The following MYDGF variants were observed in gnomAD, a reference collection of about 807,000 sequenced individuals.
MYDGF encodes the protein myeloid-derived growth factor.
Under a neutral mutation model 24.2 loss-of-function variants are expected in MYDGF, and 29 were observed. The observed-to-expected ratio is 1.20, with a 90% CI of 0.89 to 1.63. The LOEUF is 1.63. Ranked by LOEUF, MYDGF falls within the 40% of genes most tolerant of loss-of-function variation. The probability of loss-of-function intolerance (pLI) is 0.00; values close to 1 mark genes in which losing one functional copy is unlikely to be tolerated. For missense variants in MYDGF, 245 were observed against 234.8 expected, an observed-to-expected ratio of 1.04 and a Z score of -0.29; for synonymous variants, 105 against 102.5, an observed-to-expected ratio of 1.02 and a Z score of -0.15.
chr19:4,666,912 G>A (rs2088525671), intron 2 of MYDGF, among the ~76,000 whole-genome samples: 1 of 152,036 alleles, frequency 6.6e-6, no homozygotes. Context: ...GTGTTGACCG[G>A]GCTAGGCTCT....
In MYDGF at chr19:4,668,595, C is replaced by T; in HGVS notation, c.225G>A (p.Glu75=). The change falls in exon 2 of 6, where the codon GAG becomes GAA. Residue 75 remains glutamate, a splice_region_variant and synonymous_variant. Transcript: ENST00000262947. ...FTYASQGGTN[E]QWQMSLGTSE... ...CTAGAGGGAATTTTGAACAACTCAC[C>T]TCATTGGTCCCTCCTTGAGAGGCGT... is the stretch of plus-strand genomic sequence containing the variant. 6.2e-7 allele frequency: 1 copy of T among 1,611,160 alleles called. No individual in the cohort carries two copies. The highest frequency in any genetic ancestry group is 1.1e-5 in the South Asian group (1 of 91,044).
rs1297991220 is a variant in MYDGF, at chr19:4,660,697, C to A, written c.341G>T (p.Gly114Val). The change falls in exon 4 of 6, where the codon GGC (glycine) becomes GTC (valine). Residue 114 changes from glycine to valine, a missense_variant. Coordinates refer to ENST00000262947, the MANE Select transcript of MYDGF (RefSeq NM_019107.4). ...YFTQFKAEVR[G>V]AEIEYAMAYS... ...GGCCATGGCGTACTCAATCTCAGCG[C>A]CCCGCACCTCTGCCTTGAACTGTGT... 2 of 1,614,098 alleles carry A rather than the reference C, an allele frequency of 1.2e-6. No homozygotes were observed. The highest frequency in any genetic ancestry group is 3.3e-5 in the Admixed American group (2 of 60,010).
In MYDGF at chr19:4,659,989, A is replaced by G. The variant is rs939785201; in HGVS notation, c.384T>C (p.Phe128=). ...TCAGAGGGACATCACTTTCCCTTTC[A>G]AATGCGGCTTTAGACTGAAAAAGAA... The part of the protein sequence containing the change: ...EYAMAYSKAA[F]ERESDVPLKT... The change falls in exon 5 of 6, where the codon TTT becomes TTC. Residue 128 remains phenylalanine (F), a synonymous_variant. Coordinates refer to ENST00000262947, the MANE Select transcript of MYDGF (RefSeq NM_019107.4). 1.9e-6 allele frequency: 3 copies of G among 1,613,984 alleles called. No homozygotes were observed. Among genetic ancestry groups the G allele is most frequent in the Non-Finnish European group, 1.7e-6 (2 of 1,179,990 alleles).
At chr19:4,664,504 A>G (rs2145186911) in intron 3 of MYDGF, among the ~76,000 whole-genome samples, 1 of 151,920 alleles carries the variant, frequency 6.6e-6, no homozygotes, top group East Asian at 1.9e-4. Flanking sequence ...AAAAAAAAAA[A>G]AAAATTGCCA....
chr19:4,670,098 T>C (rs1044213187), intron 1 of MYDGF, 63 bp downstream of exon 1: 5 of 1,139,722 alleles, frequency 4.4e-6, no homozygotes, highest in Non-Finnish European at 5.8e-6. Flanking sequence ...CCGCCCCCAA[T>C]GCTCCGCGCC....
rs1477879232 is a variant in MYDGF at position 4,668,516 on chromosome 19, C to T, written c.225+79G>A. The T allele has an allele frequency of 6.1e-6, 8 of 1,311,404 alleles. No homozygotes were observed. In the South Asian group the frequency reaches 8.3e-5, roughly 14 times the overall value. 81.2% of individuals were successfully genotyped at this position (1,311,404 alleles called of 1,614,324 possible). A position where few individuals can be genotyped will look rare whatever the true frequency, so the allele number is the denominator to read the frequency against. ...TAAGGTGATATAGGTGAGACCCAAC[C>T]CTGCTGTCTGCTACAGAACATCTCC... On this transcript the variant is annotated intron_variant, in intron 2 of 5. Coordinates refer to ENST00000262947, the MANE Select transcript of MYDGF (RefSeq NM_019107.4).
chr19:4,663,467 C>T (rs2088491265), intron 3 of MYDGF, among the ~76,000 whole-genome samples: 1 of 135,278 alleles, frequency 7.4e-6, no homozygotes, highest in Non-Finnish European at 1.6e-5. Flanking sequence ...TCTACCCTCC[C>T]CACCCCATCC....
chr19:4,657,786 C>A lies in MYDGF; in HGVS notation c.*219G>T, dbSNP rs1464530520. The A allele has an allele frequency of 1.4e-5, 6 of 431,446 alleles. No homozygotes were observed. The highest frequency in any genetic ancestry group is 2.1e-5 in the Non-Finnish European group (5 of 236,728). The allele number at this position is 431,446 out of a possible 1,614,324, so 26.7% of individuals were successfully genotyped here. ...AGAAGAGCTCAGCAGGAAGTGGGAACTGAGAAGCTGTTGGGAGCCAGGAGG... is the reference window on the plus strand; with the variant it reads ...AGAAGAGCTCAGCAGGAAGTGGGAAATGAGAAGCTGTTGGGAGCCAGGAGG... On this transcript the variant is annotated 3_prime_UTR_variant, in exon 6 of 6. Coordinates refer to ENST00000262947, the MANE Select transcript of MYDGF (RefSeq NM_019107.4).
Position 4,670,269 on chromosome 19 carries a change from C to T in MYDGF, c.66G>A (p.Gly22=), listed in dbSNP as rs749618925. 5.3e-5 allele frequency: 82 copies of T among 1,551,674 alleles called. No homozygotes were observed. The highest frequency in any genetic ancestry group is 6.3e-5 in the Non-Finnish European group (73 of 1,151,360). The change falls in exon 1 of 6, where the codon GGG becomes GGA. Residue 22 remains glycine (G), a synonymous_variant. Transcript: ENST00000262947. ...CCTCCGCCGGCCTCAGCGCCACGGC[C>T]CCTAGGAGCAGCGCGGCCCACAAGC... ...GASLWAALLL[G]AVALRPAEAV...
At chr19:4,659,156 GCCTCGA>G (rs1420475694) in intron 5 of MYDGF, among the ~76,000 whole-genome samples, 1 of 152,042 alleles carries the variant, frequency 6.6e-6, no homozygotes, top group Non-Finnish European at 1.5e-5. Flanking sequence ...GCTCAATGCA[GCCTCGA>G]CCTCCTGGGC....
At position 4,657,988 on chromosome 19, in the gene MYDGF, C is replaced by A; in HGVS notation, c.*17G>T. On this transcript the variant is annotated 3_prime_UTR_variant, in exon 6 of 6. Coordinates refer to ENST00000262947, the MANE Select transcript of MYDGF (RefSeq NM_019107.4). Reference sequence around the variant, plus strand: ...TCACCGGAGATGAGAAGGTGCCACCCGCAACAGGGCTGCTGGTCACAGCTC... The same window carrying A: ...TCACCGGAGATGAGAAGGTGCCACCAGCAACAGGGCTGCTGGTCACAGCTC... The A allele has an allele frequency of 6.2e-7, 1 of 1,600,594 alleles. No homozygotes were observed.
chr19:4,662,165 G>A lies in MYDGF; in HGVS notation c.288-1415C>T, dbSNP rs191061634. On this transcript the variant is annotated intron_variant, in intron 3 of 5. Transcript: ENST00000262947. ...TGCTGTTTGTAAAGCGCCCCGCAGGGCACGGCGGGACAACACCCACACGAG... is the reference window on the plus strand; with the variant it reads ...TGCTGTTTGTAAAGCGCCCCGCAGGACACGGCGGGACAACACCCACACGAG... 5.0e-3 allele frequency among the ~76,000 whole-genome samples: 764 copies of A among 152,252 alleles called. 1 individual carries two copies. Among genetic ancestry groups the A allele is most frequent in the Non-Finnish European group, 8.7e-3 (591 of 68,000 alleles).
At chr19:4,663,684 C>G (rs1402418362) in intron 3 of MYDGF, among the ~76,000 whole-genome samples, 1 of 106,060 alleles carries the variant, frequency 9.4e-6, no homozygotes, top group Non-Finnish European at 2.0e-5. Flanking sequence ...CCCTCCCCAC[C>G]CACCCTGTCC....
chr19:4,664,480 A>C (rs1599838650), intron 3 of MYDGF, among the ~76,000 whole-genome samples: 20 of 123,812 alleles, frequency 1.6e-4, no homozygotes, highest in African/African-American at 1.9e-4. Context: ...AAAGATGGAG[A>C]CTCCATCTCA....
intron 3 of MYDGF, among the ~76,000 whole-genome samples, chr19:4,662,409 C>T (rs2088478109): frequency 6.6e-6 from 1 of 152,224 alleles, no homozygotes; most frequent in Non-Finnish European, 1.5e-5. Flanking sequence ...ATTCCTGAAG[C>T]CCCCGACCCC....
intron 3 of MYDGF, among the ~76,000 whole-genome samples, chr19:4,663,510 A>C (rs928148893): frequency 7.6e-4 from 19 of 24,880 alleles, no homozygotes; most frequent in Admixed American, 1.1e-3. Context: ...TGCACTCTCC[A>C]CCCACCCCAT....
chr19:4,668,819 C>A, intron 1 of MYDGF, 174 bp from the exon 2 acceptor site: 3 of 515,984 alleles, frequency 5.8e-6, no homozygotes, highest in East Asian at 3.5e-5. Flanking sequence ...GTAACTGAGA[C>A]AATAGGTACG....
intron 5 of MYDGF, chr19:4,659,559 G>A (rs550432100): frequency 3.9e-5 from 16 of 413,398 alleles, no homozygotes; most frequent in Non-Finnish European, 4.7e-5. Context: ...ACAGGGTCTC[G>A]CTATGTTGCC....
At chr19:4,659,437 T>G (rs1053111579) in intron 5 of MYDGF, among the ~76,000 whole-genome samples, 1 of 151,762 alleles carries the variant, frequency 6.6e-6, no homozygotes, top group Admixed American at 6.6e-5. Flanking sequence ...GTTGGCCAGC[T>G]GGTCTGGAAC....
Sources: allele counts gnomAD v4.1 joint callset (sites outside exome capture counted in the v4.1 genomes callset), GRCh38; gene constraint gnomAD v4.1.1; transcripts MANE v1.5; gene names NCBI Gene and HGNC (gene_info 2026-07-23, HGNC 2026-07-21).